CTSS: variants seen among roughly 807,000 people sequenced by gnomAD.
CTSS encodes cathepsin S.
In CTSS, 15 loss-of-function variants were observed where a neutral mutation model predicts 39.9. The observed-to-expected ratio is 0.38, with a 90% CI of 0.25 to 0.58. The LOEUF is 0.58. Among genes scored for constraint, CTSS ranks in the 20% least tolerant of loss-of-function variants. The pLI is 0.70. For synonymous variants in CTSS, 126 were observed against 138.2 expected (o/e 0.91, Z 0.62); for missense variants, 250 against 398.2 (o/e 0.63, Z 3.17).
chr1:150,734,153 C>CA (rs1265270608), intron 7 of CTSS, among the ~76,000 whole-genome samples: 2 of 151,826 alleles, frequency 1.3e-5, no homozygotes, highest in African/African-American at 4.8e-5. Flanking sequence ...CTCAGCCTCC[C>CA]AAGTAGCTAG....
intron 2 of CTSS, among the ~76,000 whole-genome samples, chr1:150,762,393 A>G (rs1277129518): frequency 6.6e-6 from 1 of 152,190 alleles, no homozygotes; most frequent in Admixed American, 6.6e-5. Flanking sequence ...TATGACCCCT[A>G]AAGAACAGGC....
intron 7 of CTSS, among the ~76,000 whole-genome samples, chr1:150,733,672 T>C (rs1652572451): frequency 6.6e-6 from 1 of 152,144 alleles, no homozygotes; most frequent in South Asian, 2.1e-4. Flanking sequence ...ATTAAAGCTA[T>C]TGAAAAATGA....
At chr1:150,753,040 A>C (rs1474360363) in intron 4 of CTSS, among the ~76,000 whole-genome samples, 1 of 152,038 alleles carries the variant, frequency 6.6e-6, no homozygotes, top group Non-Finnish European at 1.5e-5. Flanking sequence ...TTTTTTGTAG[A>C]GTCAGGGCCT....
chr1:150,757,086 CTG>C (rs1297132520), intron 3 of CTSS, among the ~76,000 whole-genome samples: 1 of 152,092 alleles, frequency 6.6e-6, no homozygotes, highest in Non-Finnish European at 1.5e-5. Context: ...AATAAAAAAA[CTG>C]AGAAAAAACA....
At position 150,751,038 on chromosome 1, in the gene CTSS, T is replaced by C. The variant is rs587740120; in HGVS notation, c.627+743A>G. 5.9e-5 allele frequency among the ~76,000 whole-genome samples: 9 copies of C among 152,320 alleles called. No homozygotes were observed. In the South Asian group the frequency reaches 6.2e-4, roughly 11 times the overall value. ...AGAAGGTTTTTGAGTGATATTTTTA[T>C]ATTTTTAAAATCTTCTGTAACATGG... On this transcript the variant is annotated intron_variant, in intron 5 of 7. Coordinates refer to ENST00000368985, the MANE Select transcript of CTSS (RefSeq NM_004079.5).
chr1:150,759,564 G>T (rs146429081), intron 2 of CTSS, among the ~76,000 whole-genome samples: 1 of 152,042 alleles, frequency 6.6e-6, no homozygotes, highest in East Asian at 1.9e-4. Flanking sequence ...TTATTTTCAA[G>T]ATTTCTAATT....
Position 150,755,127 on chromosome 1 carries a change from C to T in CTSS, c.273G>A (p.Leu91=), listed in dbSNP as rs758020751. ...GGCTGGGAACTCTCAGGGAACTCATCAAAGACATCACTTCTTCACTGGTCT... is the reference window on the plus strand; with the variant it reads ...GGCTGGGAACTCTCAGGGAACTCATTAAAGACATCACTTCTTCACTGGTCT... ...GDMTSEEVMS[L]MSSLRVPSQW... The change falls in exon 4 of 8, where the codon TTG becomes TTA. Residue 91 remains leucine, a synonymous_variant. Coordinates refer to ENST00000368985, the MANE Select transcript of CTSS (RefSeq NM_004079.5). The T allele has an allele frequency of 2.5e-6, 4 of 1,614,056 alleles. No homozygotes were observed. The Admixed American group carries it at 6.7e-5, about 27-fold the overall frequency.
chr1:150,739,601 G>A (rs1251833600), intron 7 of CTSS, among the ~76,000 whole-genome samples: 1 of 152,076 alleles, frequency 6.6e-6, no homozygotes, highest in Non-Finnish European at 1.5e-5. Flanking sequence ...GGAGGCGGAG[G>A]TTGCAGTGAG....
chr1:150,733,902 T>C (rs1012679871), intron 7 of CTSS, among the ~76,000 whole-genome samples: 17 of 152,120 alleles, frequency 1.1e-4, no homozygotes, highest in African/African-American at 3.9e-4. Flanking sequence ...CAGAGAAAAA[T>C]CATGGGTCGG....
intron 3 of CTSS, among the ~76,000 whole-genome samples, chr1:150,756,664 C>T (rs587711478): frequency 6.6e-6 from 1 of 151,256 alleles, no homozygotes; most frequent in South Asian, 2.1e-4. Flanking sequence ...TGACACATGA[C>T]TATATATCTC....
At chr1:150,757,140 G>C (rs140306731) in intron 3 of CTSS, among the ~76,000 whole-genome samples, 1 of 152,138 alleles carries the variant, frequency 6.6e-6, no homozygotes, top group East Asian at 1.9e-4. Flanking sequence ...GGATCTGGTG[G>C]GGCGAATTAT....
intron 7 of CTSS, 83 bp downstream of exon 7, chr1:150,747,694 A>T: frequency 1.1e-6 from 1 of 878,826 alleles, no homozygotes; most frequent in South Asian, 1.5e-5. Flanking sequence ...GATCATAATG[A>T]TCATCATCAA....
intron 7 of CTSS, among the ~76,000 whole-genome samples, chr1:150,734,680 G>T (rs1480564409): frequency 6.6e-6 from 1 of 151,916 alleles, no homozygotes. Context: ...ACTACTTACT[G>T]TCACCATTAT....
chr1:150,747,946 G>A (rs1329691018), intron 6 of CTSS, 67 bp from the exon 7 acceptor site: 20 of 1,070,906 alleles, frequency 1.9e-5, no homozygotes, highest in East Asian at 2.4e-5. Flanking sequence ...ATTTTAAAAC[G>A]GTATTACTTT....
intron 3 of CTSS, among the ~76,000 whole-genome samples, chr1:150,756,743 T>C (rs1048372467): frequency 6.8e-6 from 1 of 147,808 alleles, no homozygotes; most frequent in African/African-American, 2.5e-5. Flanking sequence ...TGAGACGGAG[T>C]TTCACTCTTT....
intron 2 of CTSS, among the ~76,000 whole-genome samples, chr1:150,759,866 G>A (rs887082258): frequency 6.6e-6 from 1 of 152,046 alleles, no homozygotes; most frequent in Admixed American, 6.6e-5. Flanking sequence ...AGTCCCAGAG[G>A]CACTGGGTAG....
chr1:150,741,612 G>A (rs976897598), intron 7 of CTSS, among the ~76,000 whole-genome samples: 5 of 152,204 alleles, frequency 3.3e-5, no homozygotes, highest in Admixed American at 6.5e-5. Flanking sequence ...AGTGGCTTGC[G>A]CCTGTAATCC....
chr1:150,752,876 C>A (rs1032008049), intron 4 of CTSS, among the ~76,000 whole-genome samples: 1 of 152,040 alleles, frequency 6.6e-6, no homozygotes, highest in South Asian at 2.1e-4. Context: ...TGTTTTGAGA[C>A]AGGGTTTCCT....
At chr1:150,748,042 A>C in intron 6 of CTSS, 163 bp from the exon 7 acceptor site, 1 of 542,236 alleles carries the variant, frequency 1.8e-6, no homozygotes, top group East Asian at 3.4e-5. Context: ...CTGTAATCCC[A>C]GAAGTTTGGG....
Sources: gnomAD v4.1 joint callset for allele counts (sites outside exome capture counted in the v4.1 genomes callset) on GRCh38, gnomAD v4.1.1 for gene constraint, MANE v1.5 for transcripts, NCBI Gene and HGNC (gene_info 2026-07-23, HGNC 2026-07-21) for gene names.